EPM2A: variants seen among roughly 807,000 people sequenced by gnomAD.
EPM2A encodes EPM2A glucan phosphatase, laforin.
In EPM2A, 21 loss-of-function variants were observed where a neutral mutation model predicts 26.5. The observed-to-expected ratio is 0.79, with a 90% CI of 0.56 to 1.14. The LOEUF is 1.14. Ranked by LOEUF, EPM2A falls within the 50% of genes most tolerant of loss-of-function variation. The probability of loss-of-function intolerance (pLI) is 0.00; values close to 1 mark genes in which losing one functional copy is unlikely to be tolerated. For missense variants in EPM2A, 458 were observed against 440.8 expected (o/e 1.04, Z -0.35); for synonymous variants, 217 against 177.6 (o/e 1.22, Z -1.76).
chr6:145,620,918 C>A (rs1461256374), downstream of EPM2A, among the ~76,000 whole-genome samples: 1 of 152,096 alleles, frequency 6.6e-6, no homozygotes, highest in African/African-American at 2.4e-5. Flanking sequence ...TTAACATATC[C>A]ATTATCTCAT....
intron 2 of EPM2A, among the ~76,000 whole-genome samples, chr6:145,657,214 C>T (rs1461311081): frequency 6.6e-6 from 1 of 151,554 alleles, no homozygotes; most frequent in East Asian, 1.9e-4. Context: ...CTCAGCCTCC[C>T]GAGTAGCTGG....
At chr6:145,414,441 A>T (rs1778682198) in intron 4 of EPM2A, among the ~76,000 whole-genome samples, 1 of 152,020 alleles carries the variant, frequency 6.6e-6, no homozygotes, top group African/African-American at 2.4e-5. Flanking sequence ...GATTCGCTTC[A>T]CTAAAGAAAT....
At chr6:145,613,687 A>G (rs1224545404) in intron 2 of EPM2A, among the ~76,000 whole-genome samples, 1 of 152,202 alleles carries the variant, frequency 6.6e-6, no homozygotes, top group African/African-American at 2.4e-5. Context: ...GTGAGCAGGT[A>G]TCTTGTCAAT....
intron 2 of EPM2A, among the ~76,000 whole-genome samples, chr6:145,675,305 C>T (rs1779948567): frequency 6.6e-6 from 1 of 152,202 alleles, no homozygotes; most frequent in Admixed American, 6.5e-5. Context: ...TGGAAAGGAA[C>T]AACTGTTACC....
chr6:145,512,135 A>G (rs1400879480), intron 2 of EPM2A, among the ~76,000 whole-genome samples: 1 of 152,202 alleles, frequency 6.6e-6, no homozygotes, highest in East Asian at 1.9e-4. Context: ...ATGGGAAAAC[A>G]TCCCAACGCT....
intron 4 of EPM2A, among the ~76,000 whole-genome samples, chr6:145,481,645 C>T (rs1347015910): frequency 6.6e-6 from 1 of 152,212 alleles, no homozygotes; most frequent in Non-Finnish European, 1.5e-5. Flanking sequence ...GAGACCCTGA[C>T]CCAGAACCAC....
chr6:145,428,458 T>C (rs975331444), intron 4 of EPM2A, among the ~76,000 whole-genome samples: 3 of 152,222 alleles, frequency 2.0e-5, no homozygotes, highest in Admixed American at 2.0e-4. Flanking sequence ...TCTATTGTTT[T>C]GAACAGCATT....
intron 4 of EPM2A, among the ~76,000 whole-genome samples, chr6:145,457,322 G>GA (rs1779273699): frequency 6.6e-6 from 1 of 151,408 alleles, no homozygotes; most frequent in South Asian, 2.1e-4. Context: ...CTTCTGTACT[G>GA]AAAAAACAAA....
intron 3 of EPM2A, chr6:145,633,671 T>A (rs1388319867): frequency 6.6e-6 from 1 of 152,222 alleles, no homozygotes; most frequent in Non-Finnish European, 1.5e-5. Context: ...GTGGTCCTCA[T>A]GGTTTTTTAT....
At chr6:145,693,954 C>A (rs1053344415) in intron 1 of EPM2A, among the ~76,000 whole-genome samples, 1 of 151,752 alleles carries the variant, frequency 6.6e-6, no homozygotes, top group Non-Finnish European at 1.5e-5. Flanking sequence ...ATAAGAAACC[C>A]TAGAATTTAA....
chr6:145,735,417 C>T lies in EPM2A; in HGVS notation c.82G>A (p.Glu28Lys), dbSNP rs1776816199. The T allele has an allele frequency of 6.4e-6, 8 of 1,252,632 alleles. No homozygotes were observed. The highest frequency in any genetic ancestry group is 2.6e-5 in the South Asian group (1 of 38,070). 77.6% of individuals were successfully genotyped at this position (1,252,632 alleles called of 1,614,324 possible). Reference sequence around the variant, plus strand: ...CCGCGCGGCTCCCAACGCCCCAGCTCGGGCCGCGACCCCACCACCAGCAGC... The same window carrying T: ...CCGCGCGGCTCCCAACGCCCCAGCTTGGGCCGCGACCCCACCACCAGCAGC... The part of the protein sequence containing the change: ...PELLVVGSRP[E>K]LGRWEPRGAV... The change falls in exon 1 of 4, where the codon GAG becomes AAG. Residue 28 changes from glutamate (E) to lysine (K), a missense_variant. Glu to Lys is a moderately conservative substitution (Grantham distance 56). Coordinates refer to ENST00000367519, the MANE Select transcript of EPM2A (RefSeq NM_005670.4).
downstream of EPM2A, among the ~76,000 whole-genome samples, chr6:145,622,936 T>G (rs928608858): frequency 6.6e-6 from 1 of 152,246 alleles, no homozygotes; most frequent in Admixed American, 6.5e-5. Flanking sequence ...AAACTATCTT[T>G]ACTTGCCTCA....
At chr6:145,394,797 T>C (rs1778383495) in intron 4 of EPM2A, among the ~76,000 whole-genome samples, 1 of 152,182 alleles carries the variant, frequency 6.6e-6, no homozygotes, top group African/African-American at 2.4e-5. Flanking sequence ...TTTGCCTTCA[T>C]GTGAAAGGGC....
intron 2 of EPM2A, among the ~76,000 whole-genome samples, chr6:145,667,354 G>A (rs1352292159): frequency 6.9e-6 from 1 of 145,938 alleles, no homozygotes; most frequent in African/African-American, 2.7e-5. Flanking sequence ...AGTGGGTGAA[G>A]GACATGAACA....
chr6:145,500,697 C>G (rs909978029), downstream of EPM2A, among the ~76,000 whole-genome samples: 1 of 152,274 alleles, frequency 6.6e-6, no homozygotes, highest in East Asian at 1.9e-4. Flanking sequence ...CCACTGTGTT[C>G]CCAGAGACTC....
In EPM2A at chr6:145,385,365, C is replaced by T. The variant is rs78243703; in HGVS notation, c.556-1268G>A. 7.0e-4 allele frequency among the ~76,000 whole-genome samples: 106 copies of T among 151,508 alleles called. 10 individuals carry two copies. The highest frequency in any genetic ancestry group is 2.5e-3 in the African/African-American group (104 of 41,274). Reference sequence around the variant, plus strand: ...TTAGTTCTTCCTTAAATATAAAGCTCATCTCAACAATGGCTGGGTTGTTGA... The same window carrying T: ...TTAGTTCTTCCTTAAATATAAAGCTTATCTCAACAATGGCTGGGTTGTTGA... On this transcript the variant is annotated intron_variant, in intron 4 of 4. Coordinates refer to the EPM2A transcript ENST00000638717.
intron 4 of EPM2A, among the ~76,000 whole-genome samples, chr6:145,464,926 C>A (rs1196310157): frequency 6.6e-6 from 1 of 152,080 alleles, no homozygotes; most frequent in Non-Finnish European, 1.5e-5. Flanking sequence ...TTCATTTCAA[C>A]TTTGGTGAAT....
chr6:145,623,212 T>C (rs1775674474), downstream of EPM2A, among the ~76,000 whole-genome samples: 1 of 152,250 alleles, frequency 6.6e-6, no homozygotes, highest in African/African-American at 2.4e-5. Flanking sequence ...CAGTGAAGCT[T>C]ACATTGCAGT....
intron 1 of EPM2A, among the ~76,000 whole-genome samples, chr6:145,699,883 A>C (rs1050295380): frequency 6.6e-6 from 1 of 152,232 alleles, no homozygotes; most frequent in African/African-American, 2.4e-5. Context: ...CAAAGGTTGT[A>C]GATTATGCTG....
Sources: allele counts gnomAD v4.1 joint callset (sites outside exome capture counted in the v4.1 genomes callset), GRCh38; gene constraint gnomAD v4.1.1; transcripts MANE v1.5; gene names NCBI Gene and HGNC (gene_info 2026-07-23, HGNC 2026-07-21).